STPG2: variants seen among roughly 807,000 people sequenced by gnomAD.
STPG2 encodes the protein sperm tail PG-rich repeat containing 2.
Under a neutral mutation model 54.2 loss-of-function variants are expected in STPG2, and 56 were observed. The observed-to-expected ratio is 1.03, with a 90% CI of 0.83 to 1.29. The LOEUF is 1.29. Among genes scored for constraint, STPG2 ranks in the 50% most tolerant of loss-of-function variants. STPG2 has a pLI of 0.00. For synonymous variants in STPG2, 200 were observed against 181.8 expected (o/e 1.10, Z -0.81); for missense variants, 596 against 544.9 (o/e 1.09, Z -0.93).
intron 5 of STPG2, among the ~76,000 whole-genome samples, chr4:98,017,917 T>A (rs1736020387): frequency 6.6e-6 from 1 of 152,214 alleles, no homozygotes; most frequent in South Asian, 2.1e-4. Context: ...AGAAAATACT[T>A]GCTTCTCTTC....
At chr4:98,066,263 T>C (rs767644997) in intron 5 of STPG2, among the ~76,000 whole-genome samples, 7 of 152,198 alleles carry the variant, frequency 4.6e-5, no homozygotes, top group Non-Finnish European at 7.3e-5. Flanking sequence ...CATAAGTTAT[T>C]TGTCAAAACA....
intron 7 of STPG2, among the ~76,000 whole-genome samples, chr4:97,958,559 G>A (rs1733773354): frequency 6.6e-6 from 1 of 152,134 alleles, no homozygotes; most frequent in Non-Finnish European, 1.5e-5. Flanking sequence ...GACACTCCAT[G>A]CAAATGAACA....
Position 98,143,220 on chromosome 4 carries a change from G to A in STPG2, c.-70C>T, listed in dbSNP as rs1740353991. 2 of 1,259,172 alleles carry A rather than the reference G, an allele frequency of 1.6e-6. No homozygotes were observed. Among genetic ancestry groups the A allele is most frequent in the Non-Finnish European group, 2.2e-6 (2 of 892,340 alleles). 78.0% of individuals were successfully genotyped at this position (1,259,172 alleles called of 1,614,324 possible). A position where few individuals can be genotyped will look rare whatever the true frequency, so the allele number is the denominator to read the frequency against. On this transcript the variant is annotated 5_prime_UTR_variant, in exon 1 of 11. Coordinates refer to ENST00000295268, the MANE Select transcript of STPG2 (RefSeq NM_174952.3). ...AACGATAAAAACAAGGTAGCTAGAA[G>A]TGTGGAGAAAAAGGAAGCCGACACC...
At chr4:98,047,536 G>A (rs542918602) in intron 5 of STPG2, among the ~76,000 whole-genome samples, 51 of 152,170 alleles carry the variant, frequency 3.4e-4, no homozygotes, top group African/African-American at 1.2e-3. Context: ...GTGCTCATGC[G>A]CCTGTTTAAA....
rs554870819 is a variant in STPG2, at chr4:97,942,351, TACA to T, written c.1044+1543_1044+1545del. On this transcript the variant is annotated intron_variant, in intron 8 of 10. Coordinates refer to ENST00000295268, the MANE Select transcript of STPG2 (RefSeq NM_174952.3). ...ACTTCACAATGGATCCTGAGGTGTG[TACA>T]ACAATGACTCACTTGAAAAATACAG... Among the ~76,000 whole-genome samples, 406 of 152,034 alleles carry T rather than the reference TACA, an allele frequency of 2.7e-3. 2 individuals carry two copies. Among genetic ancestry groups the T allele is most frequent in the Non-Finnish European group, 4.5e-3 (303 of 67,928 alleles).
At chr4:97,447,127 G>A (rs1324902633) in intron 4 of STPG2, among the ~76,000 whole-genome samples, 1 of 152,190 alleles carries the variant, frequency 6.6e-6, no homozygotes, top group African/African-American at 2.4e-5. Context: ...AACTCATTGG[G>A]AACTGGAGTA....
intron 4 of STPG2, among the ~76,000 whole-genome samples, chr4:97,442,538 G>A (rs925806905): frequency 5.3e-5 from 8 of 152,066 alleles, no homozygotes; most frequent in Admixed American, 5.2e-4. Context: ...GGTCTTCAGT[G>A]GTAATAATAC....
intron 8 of STPG2, among the ~76,000 whole-genome samples, chr4:97,938,728 T>C (rs1027342453): frequency 3.3e-5 from 5 of 152,092 alleles, no homozygotes; most frequent in Admixed American, 6.5e-5. Flanking sequence ...CCCATGTGGC[T>C]CTCAGGTGGG....
intron 10 of STPG2, among the ~76,000 whole-genome samples, chr4:97,673,676 T>A (rs1035692380): frequency 7.3e-6 from 1 of 137,506 alleles, no homozygotes; most frequent in African/African-American, 2.5e-5. Flanking sequence ...GCTTTATATT[T>A]TTTTTTTTCC....
At chr4:97,785,358 C>CT (rs1291607998) in intron 9 of STPG2, among the ~76,000 whole-genome samples, 1 of 152,020 alleles carries the variant, frequency 6.6e-6, no homozygotes, top group Admixed American at 6.6e-5. Flanking sequence ...TAATTACAGT[C>CT]TATTTTTATT....
intron 4 of STPG2, among the ~76,000 whole-genome samples, chr4:97,492,585 C>T (rs1254459967): frequency 2.6e-5 from 4 of 151,244 alleles, no homozygotes; most frequent in Non-Finnish European, 5.9e-5. Context: ...TTTGCCATCT[C>T]TTTAGGGATT....
intron 5 of STPG2, among the ~76,000 whole-genome samples, chr4:98,018,060 G>C: frequency 6.6e-6 from 1 of 151,700 alleles, no homozygotes; most frequent in East Asian, 1.9e-4. Flanking sequence ...GGGTACATGT[G>C]CACAATGTGC....
At chr4:97,740,433 C>A (rs1214586630) in intron 9 of STPG2, among the ~76,000 whole-genome samples, 5 of 152,104 alleles carry the variant, frequency 3.3e-5, no homozygotes, top group Non-Finnish European at 5.9e-5. Context: ...TCCCTGTTTG[C>A]AGATGACATG....
intron 5 of STPG2, among the ~76,000 whole-genome samples, chr4:97,993,456 A>G (rs1345955781): frequency 6.6e-6 from 1 of 151,738 alleles, no homozygotes; most frequent in Non-Finnish European, 1.5e-5. Flanking sequence ...TATCTTTTGT[A>G]TATGCTGTTG....
rs140350634 is a variant in STPG2, at chr4:97,494,425, C to T, written c.462+218274G>A. Among the ~76,000 whole-genome samples the T allele has an allele frequency of 4.2e-3, 631 of 151,622 alleles. 3 individuals carry two copies. The highest frequency in any genetic ancestry group is 0.02 in the South Asian group (97 of 4,830). On this transcript the variant is annotated intron_variant, in intron 4 of 4. Transcript: ENST00000522676. Reference sequence around the variant, plus strand: ...TGAACTCACAAATTCATTTGCCTGGCTGAATTTTAGAATTGCTGTGAACCT... The same window carrying T: ...TGAACTCACAAATTCATTTGCCTGGTTGAATTTTAGAATTGCTGTGAACCT...
At chr4:97,996,374 A>T (rs1399121314) in intron 5 of STPG2, among the ~76,000 whole-genome samples, 2 of 152,190 alleles carry the variant, frequency 1.3e-5, no homozygotes, top group African/African-American at 2.4e-5. Context: ...TTAATAGATG[A>T]TTCTAGGATA....
intron 4 of STPG2, among the ~76,000 whole-genome samples, chr4:97,480,430 TGAA>T (rs1238653653): frequency 6.6e-6 from 1 of 151,524 alleles, no homozygotes; most frequent in East Asian, 1.9e-4. Flanking sequence ...TTCAGAAAAG[TGAA>T]GGAGACAGAC....
chr4:98,033,626 C>T (rs1395881078), intron 5 of STPG2, among the ~76,000 whole-genome samples: 1 of 152,062 alleles, frequency 6.6e-6, no homozygotes, highest in Non-Finnish European at 1.5e-5. Flanking sequence ...ATCCTCATAC[C>T]AAAACCTGGC....
intron 5 of STPG2, among the ~76,000 whole-genome samples, chr4:97,989,737 C>A (rs1734950455): frequency 6.6e-6 from 1 of 152,132 alleles, no homozygotes; most frequent in Non-Finnish European, 1.5e-5. Flanking sequence ...AATAAGGGTT[C>A]TTTGAACACA....
Sources: gnomAD v4.1 joint callset for allele counts (sites outside exome capture counted in the v4.1 genomes callset) on GRCh38, gnomAD v4.1.1 for gene constraint, MANE v1.5 for transcripts, NCBI Gene and HGNC (gene_info 2026-07-23, HGNC 2026-07-21) for gene names.